Variants in RFC3 observed in about 807,000 individuals in gnomAD.
RFC3 encodes replication factor C subunit 3.
Under a neutral mutation model 45.1 loss-of-function variants are expected in RFC3, and 41 were observed. That is an observed-to-expected ratio of 0.91 (90% CI 0.71 to 1.18). The LOEUF is 1.18. RFC3 is among the 50% of genes most tolerant of loss of function. The pLI, the probability that RFC3 is intolerant of heterozygous loss-of-function variation, is 0.00. For synonymous variants in RFC3, 149 were observed against 144.0 expected, an observed-to-expected ratio of 1.03 and a Z score of -0.25; for missense variants, 423 against 428.1, an observed-to-expected ratio of 0.99 and a Z score of 0.10.
downstream of RFC3, among the ~76,000 whole-genome samples, chr13:33,838,736 A>G (rs2139435006): frequency 6.6e-6 from 1 of 152,212 alleles, no homozygotes; most frequent in South Asian, 2.1e-4. Flanking sequence ...ACTCAGAGTC[A>G]GTTTCTTTTG....
chr13:33,878,969 A>G (rs769634269), intron 8 of RFC3, among the ~76,000 whole-genome samples: 67 of 152,148 alleles, frequency 4.4e-4, no homozygotes, highest in Non-Finnish European at 8.2e-4. Context: ...GTGAATTTTC[A>G]GAAGGTTTAG....
intron 8 of RFC3, among the ~76,000 whole-genome samples, chr13:33,895,151 G>T (rs2082589558): frequency 6.9e-6 from 1 of 144,782 alleles, no homozygotes; most frequent in Non-Finnish European, 1.5e-5. Context: ...AAAATAATGG[G>T]ACCTAATTAA....
At position 33,832,124 on chromosome 13, in the gene RFC3, AAC is replaced by A. The variant is rs145517393; in HGVS notation, c.809+774_809+775del. On this transcript the variant is annotated intron_variant, in intron 7 of 8. Coordinates refer to ENST00000380071, the MANE Select transcript of RFC3 (RefSeq NM_002915.4). ...TGACTTATGGCAGCTTCGATTGAGA[AAC>A]ACAGTTTGCTTTCCTCCAAATAAAA... Among the ~76,000 whole-genome samples the A allele has an allele frequency of 1.8e-4, 28 of 152,318 alleles. No homozygotes were observed. The South Asian group carries it at 3.5e-3, about 19-fold the overall frequency.
intron 8 of RFC3, among the ~76,000 whole-genome samples, chr13:33,958,203 T>A (rs532148804): frequency 6.6e-6 from 1 of 152,234 alleles, no homozygotes; most frequent in South Asian, 2.1e-4. Flanking sequence ...CATGAAGAAG[T>A]TTCTGCTGGA....
At chr13:33,838,360 C>T (rs1175183661), downstream of RFC3, among the ~76,000 whole-genome samples, 1 of 151,974 alleles carries the variant, frequency 6.6e-6, no homozygotes, top group Non-Finnish European at 1.5e-5. Context: ...TTATAGCGTA[C>T]GTCTGCTAAC....
downstream of RFC3, chr13:33,837,634 C>T (rs534565411): frequency 6.6e-6 from 1 of 152,180 alleles, no homozygotes; most frequent in South Asian, 2.1e-4. Context: ...TATTACTTTA[C>T]ACTTCTACCA....
At chr13:33,844,380 C>A (rs908991167) in intron 8 of RFC3, among the ~76,000 whole-genome samples, 1 of 152,152 alleles carries the variant, frequency 6.6e-6, no homozygotes, top group African/African-American at 2.4e-5. Flanking sequence ...GATTACCTTC[C>A]AGTTTCTGCT....
At chr13:33,928,626 G>C (rs1341064279) in intron 8 of RFC3, among the ~76,000 whole-genome samples, 1 of 152,120 alleles carries the variant, frequency 6.6e-6, no homozygotes. Flanking sequence ...TTTAGAAGAG[G>C]CTGCATAGGT....
rs1221748706 is a variant in RFC3, at chr13:33,829,960, C to T, written c.516C>T (p.Ile172=). 1.9e-6 allele frequency: 3 copies of T among 1,613,944 alleles called. No individual in the cohort carries two copies. The highest frequency in any genetic ancestry group is 2.5e-6 in the Non-Finnish European group (3 of 1,179,918). The change falls in exon 5 of 9, where the codon ATC becomes ATT. Residue 172 remains isoleucine (I), a synonymous_variant. Coordinates refer to ENST00000380071, the MANE Select transcript of RFC3 (RefSeq NM_002915.4). ...GCTGCAATTCTACATCTAAAGTGAT[C>T]CCACCTATTCGTAGTAGGTGCTTGG... The part of the protein sequence containing the change: ...ILCCNSTSKV[I]PPIRSRCLAV...
chr13:33,955,601 A>C (rs889522532), intron 8 of RFC3, among the ~76,000 whole-genome samples: 7 of 152,202 alleles, frequency 4.6e-5, no homozygotes, highest in African/African-American at 1.7e-4. Context: ...TTTGCTCAAC[A>C]TAAGTGTTGT....
intron 7 of RFC3, among the ~76,000 whole-genome samples, chr13:33,832,844 T>TA (rs2082116783): frequency 1.3e-5 from 2 of 152,326 alleles, no homozygotes; most frequent in South Asian, 4.1e-4. Context: ...CAATATAACT[T>TA]ACCTACTTTT....
At chr13:33,924,287 G>C (rs1323243406) in intron 8 of RFC3, among the ~76,000 whole-genome samples, 4 of 151,832 alleles carry the variant, frequency 2.6e-5, no homozygotes, top group Non-Finnish European at 5.9e-5. Context: ...AATGGAAGGT[G>C]GCAAATTATC....
At chr13:33,976,607 G>A in the RFC3 span, among the ~76,000 whole-genome samples, 1 of 152,088 alleles carries the variant, frequency 6.6e-6, no homozygotes, top group East Asian at 1.9e-4. Context: ...TGAAGTGATG[G>A]ATATTCCAAT....
chr13:33,965,464 T>C (rs1466725597), intron 8 of RFC3, among the ~76,000 whole-genome samples: 1 of 152,198 alleles, frequency 6.6e-6, no homozygotes, highest in Admixed American at 6.5e-5. Context: ...TAGGCTATCC[T>C]ATGTAGCTTT....
chr13:33,944,869 G>T (rs2082945618), intron 8 of RFC3, among the ~76,000 whole-genome samples: 1 of 152,022 alleles, frequency 6.6e-6, no homozygotes. Flanking sequence ...GTCCATGATT[G>T]GTACAAGAAA....
In RFC3 at chr13:33,942,284, G is replaced by A. The variant is rs1466211114; in HGVS notation, c.880-23803G>A. Among the ~76,000 whole-genome samples, 4 of 151,770 alleles carry A rather than the reference G, an allele frequency of 2.6e-5. No individual in the cohort carries two copies. In the East Asian group the frequency reaches 5.8e-4, roughly 22 times the overall value. ...ATATTAGCAACAATAATGACTAATG[G>A]CCTGAAGACTGAAGGTATTATTTTA... On this transcript the variant is annotated intron_variant, in intron 8 of 8. Transcript: ENST00000434425.
chr13:33,844,443 T>C (rs894872017), intron 8 of RFC3, among the ~76,000 whole-genome samples: 1 of 152,190 alleles, frequency 6.6e-6, no homozygotes, highest in African/African-American at 2.4e-5. Flanking sequence ...TCATTTGTTT[T>C]CTGGTTGTTT....
At chr13:33,819,621 C>T (rs188749175) in intron 1 of RFC3, among the ~76,000 whole-genome samples, 2 of 152,226 alleles carry the variant, frequency 1.3e-5, no homozygotes, top group Admixed American at 6.5e-5. Flanking sequence ...AAATTGATTA[C>T]TGCAGTATCC....
At chr13:33,916,118 A>G (rs578118285) in intron 8 of RFC3, among the ~76,000 whole-genome samples, 45 of 152,260 alleles carry the variant, frequency 3.0e-4, no homozygotes, top group African/African-American at 1.0e-3. Context: ...TATATTTCTA[A>G]ATGACAGAGC....
Sources: gnomAD v4.1 joint callset for allele counts (sites outside exome capture counted in the v4.1 genomes callset) on GRCh38, gnomAD v4.1.1 for gene constraint, MANE v1.5 for transcripts, NCBI Gene and HGNC (gene_info 2026-07-23, HGNC 2026-07-21) for gene names.